CNTNAP2: variants seen among roughly 807,000 people sequenced by gnomAD.
The protein encoded by CNTNAP2 is contactin associated protein 2, also known as contactin-associated protein-like 2.
CNTNAP2 carries 98 observed loss-of-function variants against 155.2 expected under a neutral mutation model. The observed-to-expected ratio is 0.63, with a 90% CI of 0.54 to 0.75. The LOEUF (loss-of-function observed/expected upper bound fraction) is 0.75, where lower values mean the gene tolerates loss of function less well. Among genes scored for constraint, CNTNAP2 ranks in the 30% least tolerant of loss-of-function variants. The pLI, the probability that CNTNAP2 is intolerant of heterozygous loss-of-function variation, is 0.00. For synonymous variants in CNTNAP2, 651 were observed against 631.2 expected (o/e 1.03, Z -0.47); for missense variants, 1,727 against 1,688.1 (o/e 1.02, Z -0.40).
intron 11 of CNTNAP2, among the ~76,000 whole-genome samples, chr7:147,558,434 T>A (rs1799991598): frequency 6.6e-6 from 1 of 152,188 alleles, no homozygotes; most frequent in African/African-American, 2.4e-5. Context: ...AAATGCAGTC[T>A]GAGGACAGTA....
chr7:148,322,673 G>T (rs1408801788), intron 21 of CNTNAP2, among the ~76,000 whole-genome samples: 8 of 151,812 alleles, frequency 5.3e-5, no homozygotes, highest in Non-Finnish European at 1.2e-4. Flanking sequence ...CCACAATCTG[G>T]TTATATATCA....
At chr7:147,237,090 G>GTTTTT (rs1803826249) in intron 8 of CNTNAP2, among the ~76,000 whole-genome samples, 1 of 52,730 alleles carries the variant, frequency 1.9e-5, no homozygotes, top group Non-Finnish European at 4.2e-5. Flanking sequence ...TTTTTTGACA[G>GTTTTT]TGTCTTGCTC....
intron 16 of CNTNAP2, among the ~76,000 whole-genome samples, chr7:148,126,586 G>C (rs754574926): frequency 6.6e-6 from 1 of 152,188 alleles, no homozygotes; most frequent in Non-Finnish European, 1.5e-5. Flanking sequence ...GTATCAAAAG[G>C]CTGCGGAGAA....
At chr7:146,829,768 C>T (rs987814952) in intron 2 of CNTNAP2, among the ~76,000 whole-genome samples, 19 of 151,924 alleles carry the variant, frequency 1.3e-4, no homozygotes, top group Admixed American at 5.2e-4. Flanking sequence ...AAAGCTTAAC[C>T]GTCTTTAGTC....
At chr7:148,321,986 C>G (rs1797796648) in intron 21 of CNTNAP2, among the ~76,000 whole-genome samples, 1 of 151,820 alleles carries the variant, frequency 6.6e-6, no homozygotes, top group African/African-American at 2.4e-5. Flanking sequence ...TCACTGCAAC[C>G]TCCACCTCCC....
intron 15 of CNTNAP2, among the ~76,000 whole-genome samples, chr7:148,021,795 C>T (rs565513604): frequency 6.6e-6 from 1 of 152,272 alleles, no homozygotes; most frequent in East Asian, 1.9e-4. Flanking sequence ...AGATCAGGAC[C>T]CTCTCCCCCA....
At chr7:146,258,650 G>T (rs1016185325) in intron 1 of CNTNAP2, among the ~76,000 whole-genome samples, 2 of 152,072 alleles carry the variant, frequency 1.3e-5, no homozygotes, top group African/African-American at 4.8e-5. Context: ...ATCCTGAGAG[G>T]AATAAACTCT....
At chr7:147,665,514 G>A (rs1445954718) in intron 13 of CNTNAP2, among the ~76,000 whole-genome samples, 3 of 152,148 alleles carry the variant, frequency 2.0e-5, no homozygotes, top group African/African-American at 7.2e-5. Context: ...GCAGAGGTTT[G>A]CTACATAGGT....
chr7:146,300,156 C>T (rs1800581629), intron 1 of CNTNAP2, among the ~76,000 whole-genome samples: 1 of 152,130 alleles, frequency 6.6e-6, no homozygotes, highest in African/African-American at 2.4e-5. Flanking sequence ...CCTTTACATA[C>T]AGCTCTAAGT....
intron 12 of CNTNAP2, among the ~76,000 whole-genome samples, chr7:147,637,013 GAA>G (rs2116919766): frequency 6.6e-6 from 1 of 152,244 alleles, no homozygotes; most frequent in Non-Finnish European, 1.5e-5. Context: ...TTTGAGGAAT[GAA>G]AGGTCCATAT....
At chr7:148,115,674 G>C (rs1460944993) in intron 15 of CNTNAP2, among the ~76,000 whole-genome samples, 3 of 152,074 alleles carry the variant, frequency 2.0e-5, no homozygotes, top group African/African-American at 4.8e-5. Flanking sequence ...GATGTTGAGG[G>C]GGGAGGAAGG....
At chr7:147,364,978 A>G (rs112983752) in intron 9 of CNTNAP2, among the ~76,000 whole-genome samples, 19 of 152,154 alleles carry the variant, frequency 1.2e-4, no homozygotes, top group African/African-American at 3.9e-4. Flanking sequence ...AAGTAAAAGA[A>G]CCCTTATAAC....
chr7:147,555,321 G>A (rs6944540), intron 11 of CNTNAP2, among the ~76,000 whole-genome samples: 66,212 of 151,842 alleles, frequency 0.44, 14,747 homozygotes, highest in East Asian at 0.61. Context: ...CTATGCCTAC[G>A]TTTTACATGA....
chr7:148,409,797 A>G (rs9648693), intron 23 of CNTNAP2, among the ~76,000 whole-genome samples: 10,258 of 54,990 alleles, frequency 0.19, 1,616 homozygotes, highest in African/African-American at 0.23. Context: ...CACGCCTGTA[A>G]TCCCAGCACT....
At chr7:148,210,954 G>A (rs1562995928) in intron 18 of CNTNAP2, among the ~76,000 whole-genome samples, 1 of 152,232 alleles carries the variant, frequency 6.6e-6, no homozygotes, top group Non-Finnish European at 1.5e-5. Context: ...GCAGTATCTT[G>A]GGAGAATAAC....
chr7:147,648,375 C>G (rs914000213), intron 13 of CNTNAP2, among the ~76,000 whole-genome samples: 10 of 152,174 alleles, frequency 6.6e-5, no homozygotes, highest in Non-Finnish European at 1.3e-4. Flanking sequence ...TCTCATTTAA[C>G]TCTCAAAGTT....
chr7:147,830,725 T>C (rs1365646589), intron 13 of CNTNAP2, among the ~76,000 whole-genome samples: 1 of 152,196 alleles, frequency 6.6e-6, no homozygotes, highest in Non-Finnish European at 1.5e-5. Context: ...GAAACACATC[T>C]GCCAGGTGCC....
chr7:147,499,928 C>G (rs1032607752), intron 11 of CNTNAP2, among the ~76,000 whole-genome samples: 2 of 151,640 alleles, frequency 1.3e-5, no homozygotes, highest in Non-Finnish European at 2.9e-5. Context: ...TGCAAGTGAC[C>G]CTGAAGATAA....
At chr7:147,512,414 C>G (rs1044716561) in intron 11 of CNTNAP2, among the ~76,000 whole-genome samples, 5 of 152,162 alleles carry the variant, frequency 3.3e-5, no homozygotes, top group Non-Finnish European at 5.9e-5. Flanking sequence ...GTCCATACAA[C>G]AGTTCCTAAT....
Sources: allele counts gnomAD v4.1 joint callset (sites outside exome capture counted in the v4.1 genomes callset), GRCh38; gene constraint gnomAD v4.1.1; transcripts MANE v1.5; gene names NCBI Gene and HGNC (gene_info 2026-07-23, HGNC 2026-07-21).